The following RAI1 variants were observed in gnomAD, a reference collection of about 807,000 sequenced individuals.
RAI1 encodes the protein retinoic acid induced 1.
In RAI1, 9 loss-of-function variants were observed where a neutral mutation model predicts 123.8. That is an observed-to-expected ratio of 0.07 (90% CI 0.04 to 0.13). The LOEUF (loss-of-function observed/expected upper bound fraction) is 0.13. Ranked by LOEUF, RAI1 falls within the 10% of genes least tolerant of loss-of-function variation. The pLI, the probability that RAI1 is intolerant of heterozygous loss-of-function variation, is 1.00. For synonymous variants in RAI1, 1,231 were observed against 1,127.3 expected (o/e 1.09, Z -1.84); for missense variants, 2,256 against 2,545.8 (o/e 0.89, Z 2.45).
intron 2 of RAI1, among the ~76,000 whole-genome samples, chr17:17,748,089 T>TGGCGGAA (rs1357846986): frequency 1.3e-5 from 2 of 152,212 alleles, no homozygotes; most frequent in Non-Finnish European, 2.9e-5. Context: ...CCCAGAGTCA[T>TGGCGGAA]GGCGGAAGGC....
intron 2 of RAI1, among the ~76,000 whole-genome samples, chr17:17,750,689 CAAAAAAAAAAAAA>C (rs57637022): frequency 2.4e-4 from 19 of 79,754 alleles, no homozygotes; most frequent in Non-Finnish European, 3.7e-4. Context: ...TACTCCGTCT[CAAAAAAAAAAAAA>C]AAAAAAAAAA....
At chr17:17,712,544 G>A (rs1294337846) in intron 1 of RAI1, among the ~76,000 whole-genome samples, 4 of 152,240 alleles carry the variant, frequency 2.6e-5, no homozygotes, top group Non-Finnish European at 5.9e-5. Flanking sequence ...CTTATGTGAG[G>A]TGGGAGCCAT....
At position 17,809,575 on chromosome 17, in the gene RAI1, C is replaced by A; in HGVS notation, c.5709+136C>A. 1.1e-6 allele frequency: 1 copy of A among 917,046 alleles called. No homozygotes were observed. The highest frequency in any genetic ancestry group is 1.7e-6 in the Non-Finnish European group (1 of 601,728). The allele number at this position is 917,046 out of a possible 1,614,324, so 56.8% of individuals were successfully genotyped here. ...GCCCAGCCCTAGGGGAGGGAGCTCTCCCCGCCCACCCCCAGGAGCCCCCGC... is the reference window on the plus strand; with the variant it reads ...GCCCAGCCCTAGGGGAGGGAGCTCTACCCGCCCACCCCCAGGAGCCCCCGC... On this transcript the variant is annotated intron_variant, in intron 5 of 5. Transcript: ENST00000353383. This position sits in a 1 kb window ranked among gnomAD's most constrained non-coding sequence, Gnocchi z 4.9.
chr17:17,704,813 C>T (rs1164177003), intron 1 of RAI1, among the ~76,000 whole-genome samples: 1 of 150,824 alleles, frequency 6.6e-6, no homozygotes, highest in African/African-American at 2.5e-5. Context: ...GTTTCCAGTT[C>T]CCCACCCTCC....
Position 17,797,234 on chromosome 17 carries a change from T to A in RAI1, c.4286T>A (p.Phe1429Tyr). 6.2e-7 allele frequency: 1 copy of A among 1,613,494 alleles called. No individual in the cohort carries two copies. Among genetic ancestry groups the A allele is most frequent in the Non-Finnish European group, 8.5e-7 (1 of 1,180,000 alleles). ...ACTGACTGTTTCAAAACCGAGGCCT[T>A]CACATCCCCGGAGGCCCTGCAGCCT... is the stretch of plus-strand genomic sequence containing the variant. Reference protein sequence around the residue: ...SSTDCFKTEAFTSPEALQPGG... With the variant: ...SSTDCFKTEAYTSPEALQPGG... The change falls in exon 3 of 6, where the codon TTC becomes TAC. Residue 1429 changes from phenylalanine to tyrosine, a missense_variant. Physicochemically the swap from Phe to Tyr is conservative, Grantham distance 22. Around this residue, in one of 7 missense-constraint regions of RAI1, gnomAD observed 410 missense variants for 374.6 expected, o/e 1.09. Transcript: ENST00000353383.
intron 2 of RAI1, among the ~76,000 whole-genome samples, chr17:17,789,422 C>A (rs971833130): frequency 6.6e-6 from 1 of 152,222 alleles, no homozygotes; most frequent in African/African-American, 2.4e-5. Flanking sequence ...GGGCTGAGGT[C>A]TTTGCCTAAA....
At chr17:17,767,251 G>T (rs1250527953) in intron 2 of RAI1, among the ~76,000 whole-genome samples, 1 of 152,148 alleles carries the variant, frequency 6.6e-6, no homozygotes, top group Non-Finnish European at 1.5e-5. Flanking sequence ...GCCACAGCAG[G>T]CCCAGAATTA....
At chr17:17,711,945 C>T (rs568022718) in intron 1 of RAI1, among the ~76,000 whole-genome samples, 57 of 152,340 alleles carry the variant, frequency 3.7e-4, no homozygotes, top group African/African-American at 1.3e-3. Context: ...ACGCGGTGTC[C>T]GGCCCTGATG....
Position 17,810,822 on chromosome 17 carries a change from C to A in RAI1, c.*841C>A, listed in dbSNP as rs1462816066. 1 of 454,436 alleles carries A rather than the reference C, an allele frequency of 2.2e-6. No individual in the cohort carries two copies. The highest frequency in any genetic ancestry group is 4.4e-6 in the Non-Finnish European group (1 of 225,394). 28.2% of individuals were successfully genotyped at this position (454,436 alleles called of 1,614,324 possible). A position where few individuals can be genotyped will look rare whatever the true frequency, so the allele number is the denominator to read the frequency against. On this transcript the variant is annotated 3_prime_UTR_variant, in exon 6 of 6. Transcript: ENST00000353383. This position sits in a 1 kb window ranked among gnomAD's most constrained non-coding sequence, Gnocchi z 4.6. Reference sequence around the variant, plus strand: ...CCTCCGGCTCCGGCGGACGCGCGACCGTTGTGCACCACCAGGGACCGCCGC... The same window carrying A: ...CCTCCGGCTCCGGCGGACGCGCGACAGTTGTGCACCACCAGGGACCGCCGC...
At chr17:17,771,413 G>C (rs2031153765) in intron 2 of RAI1, among the ~76,000 whole-genome samples, 1 of 152,192 alleles carries the variant, frequency 6.6e-6, no homozygotes, top group Non-Finnish European at 1.5e-5. Context: ...ATCTCTAAAT[G>C]CAGTTCGTTT....
chr17:17,753,958 T>C (rs1041349265), intron 2 of RAI1, among the ~76,000 whole-genome samples: 2 of 152,184 alleles, frequency 1.3e-5, no homozygotes. Flanking sequence ...GCATTGGATC[T>C]CAAGGTCTCA....
chr17:17,809,849 C>T lies in RAI1; in HGVS notation c.5710-121C>T. ...GTGCCGACGGCCTCGGGCGGAGACC[C>T]CAGCCGCGCTCTGGGGTCGCCTGGG... On this transcript the variant is annotated intron_variant, in intron 5 of 5. Transcript: ENST00000353383. This position sits in a 1 kb window ranked among gnomAD's most constrained non-coding sequence, Gnocchi z 4.9. 3.5e-6 allele frequency: 5 copies of T among 1,436,812 alleles called. No homozygotes were observed. Among genetic ancestry groups the T allele is most frequent in the Non-Finnish European group, 4.8e-6 (5 of 1,049,676 alleles). 89.0% of individuals were successfully genotyped at this position (1,436,812 alleles called of 1,614,324 possible). A position where few individuals can be genotyped will look rare whatever the true frequency, so the allele number is the denominator to read the frequency against.
At chr17:17,734,746 C>T (rs974282855) in intron 2 of RAI1, among the ~76,000 whole-genome samples, 11 of 152,322 alleles carry the variant, frequency 7.2e-5, no homozygotes, top group Middle Eastern at 3.4e-3. Context: ...TGTGTGTCTG[C>T]GTGTGAGCTC....
rs371983878 is a variant in RAI1 at position 17,793,779 on chromosome 17, CCAGCAGCAGCAG to C, written c.861_872del (p.Gln288_Gln291del). The C allele has an allele frequency of 0.034, 46,254 of 1,357,426 alleles. 321 individuals carry two copies. The highest frequency in any genetic ancestry group is 0.037 in the Admixed American group (1,408 of 37,572). 84.1% of individuals were successfully genotyped at this position (1,357,426 alleles called of 1,614,324 possible). On this transcript the variant is annotated inframe_deletion, in exon 3 of 6. Transcript: ENST00000353383. The stretch of plus-strand genomic sequence containing the variant: ...ACCAGTCGGGCCGCCTCAGCTATGA[CCAGCAGCAGCAG>C]CAGCAGCAGCAGCAGCAGCAGCAGC...
In RAI1 at chr17:17,810,458, G is replaced by A. The variant is rs114433624; in HGVS notation, c.*477G>A. The A allele has an allele frequency of 4.0e-3, 1,021 of 252,154 alleles. 7 individuals are homozygous for A. Among genetic ancestry groups the A allele is most frequent in the African/African-American group, 0.023 (971 of 42,826 alleles). 15.6% of individuals were successfully genotyped at this position (252,154 alleles called of 1,614,324 possible). ...GGGGGTGGGGGTCGAAACAGTACTG[G>A]AAGAGGCGGAGGGCGGCTCCTAGCT... On this transcript the variant is annotated 3_prime_UTR_variant, in exon 6 of 6. Coordinates refer to ENST00000353383, the MANE Select transcript of RAI1 (RefSeq NM_030665.4). The surrounding 1 kb of genome is among the most constrained non-coding windows in gnomAD (Gnocchi z 4.6).
intron 2 of RAI1, among the ~76,000 whole-genome samples, chr17:17,792,027 T>C (rs1027148700): frequency 6.6e-6 from 1 of 152,078 alleles, no homozygotes; most frequent in African/African-American, 2.4e-5. Flanking sequence ...GACAGGGCTG[T>C]GTCGCCCCAT....
intron 1 of RAI1, among the ~76,000 whole-genome samples, chr17:17,718,738 T>G (rs1278673004): frequency 6.6e-6 from 1 of 151,950 alleles, no homozygotes; most frequent in Non-Finnish European, 1.5e-5. Flanking sequence ...GCTGGGAAAC[T>G]GGGAAGGTGA....
At chr17:17,747,842 A>G (rs2029986523) in intron 2 of RAI1, among the ~76,000 whole-genome samples, 1 of 152,170 alleles carries the variant, frequency 6.6e-6, no homozygotes. Flanking sequence ...AAGCAGGAGG[A>G]TCTTTGAGCC....
At chr17:17,747,672 T>A (rs1261864858) in intron 2 of RAI1, among the ~76,000 whole-genome samples, 1 of 152,136 alleles carries the variant, frequency 6.6e-6, no homozygotes, top group Non-Finnish European at 1.5e-5. Flanking sequence ...TGCCCTCTTG[T>A]GCTTAGTCGC....
Sources: gnomAD v4.1 joint callset for allele counts (sites outside exome capture counted in the v4.1 genomes callset) on GRCh38, gnomAD v4.1.1 for gene constraint, gnomAD v4.1.1 regional missense constraint, Gnocchi (gnomAD v3.1) non-coding constraint, MANE v1.5 for transcripts, NCBI Gene and HGNC (gene_info 2026-07-23, HGNC 2026-07-21) for gene names.